The following NIPAL3 variants were observed in gnomAD, a reference collection of about 807,000 sequenced individuals.
NIPAL3 encodes NIPA-like protein 3.
Under a neutral mutation model 47.2 loss-of-function variants are expected in NIPAL3, and 41 were observed. That is an observed-to-expected ratio of 0.87 (90% CI 0.68 to 1.13). The LOEUF is 1.13. Ranked by LOEUF, NIPAL3 falls within the 50% of genes most tolerant of loss-of-function variation. The probability of loss-of-function intolerance (pLI) is 0.00; values close to 1 mark genes in which losing one functional copy is unlikely to be tolerated. For missense variants in NIPAL3, 449 were observed against 530.1 expected, an observed-to-expected ratio of 0.85 and a Z score of 1.50; for synonymous variants, 194 against 209.6, an observed-to-expected ratio of 0.93 and a Z score of 0.64.
At chr1:24,464,199 A>G (rs1646601619) in intron 11 of NIPAL3, 79 bp downstream of exon 11, 5 of 1,066,150 alleles carry the variant, frequency 4.7e-6, no homozygotes, top group African/African-American at 3.2e-5. Context: ...GAGACAACCA[A>G]CTGCTGTGCT....
Position 24,436,961 on chromosome 1 carries a change from A to G in NIPAL3, c.94-3211A>G, listed in dbSNP as rs1241211813. ...TTTTGTATGCAAGGAGCATTAAAAT[A>G]TTGAAACTGGCTGGGCGTGGTGGCT... On this transcript the variant is annotated intron_variant, in intron 2 of 11. Transcript: ENST00000374399. Among the ~76,000 whole-genome samples the G allele has an allele frequency of 3.3e-5, 5 of 151,122 alleles. No homozygotes were observed. In the South Asian group the frequency reaches 6.4e-4, roughly 19 times the overall value.
In NIPAL3 at chr1:24,468,929, C is replaced by T. The variant is rs1191142793; in HGVS notation, c.1022-57C>T. ...GTCTGTGGCGGGATAGAGGGAGATG[C>T]GGCCTCCTTGGCCCCCTTACCGCGT... On this transcript the variant is annotated intron_variant, in intron 11 of 11. Transcript: ENST00000374399. 2.5e-5 allele frequency: 37 copies of T among 1,510,104 alleles called. 1 individual carries two copies. Among genetic ancestry groups the T allele is most frequent in the Non-Finnish European group, 2.8e-5 (31 of 1,093,912 alleles). The allele number at this position is 1,510,104 out of a possible 1,614,324, so 93.5% of individuals were successfully genotyped here.
At position 24,472,887 on chromosome 1, in the gene NIPAL3, C is replaced by G. The variant is rs192683002; in HGVS notation, c.*3702C>G. On this transcript the variant is annotated 3_prime_UTR_variant, in exon 12 of 12. Transcript: ENST00000374399. ...GGATGCTTATATTTTGTTAACTTCA[C>G]GACTTATGGCATGTCTTATTTAAAA... 1 of 151,452 alleles carries G rather than the reference C, an allele frequency of 6.6e-6. No individual in the cohort carries two copies. The highest frequency in any genetic ancestry group is 2.4e-5 in the African/African-American group (1 of 41,226). The allele number at this position is 151,452 out of a possible 1,614,324, so 9.4% of individuals were successfully genotyped here. A position where few individuals can be genotyped will look rare whatever the true frequency, so the allele number is the denominator to read the frequency against.
chr1:24,442,310 T>C (rs975521332), intron 4 of NIPAL3, 84 bp downstream of exon 4: 2 of 1,471,008 alleles, frequency 1.4e-6, no homozygotes, highest in Non-Finnish European at 9.3e-7. Context: ...AAGGTGCCCA[T>C]TGAACAAACC....
intron 11 of NIPAL3, chr1:24,465,864 GT>G (rs1646675840): frequency 7.5e-7 from 1 of 1,325,564 alleles, no homozygotes; most frequent in Admixed American, 3.3e-5. Flanking sequence ...ACCTTTGGAA[GT>G]TTCACACACT....
In NIPAL3 at chr1:24,449,964, CAT is replaced by C. The variant is rs1448131697; in HGVS notation, c.540+339_540+340del. 2.0e-5 allele frequency among the ~76,000 whole-genome samples: 3 copies of C among 152,226 alleles called. No individual in the cohort carries two copies. The highest frequency in any genetic ancestry group is 3.4e-3 in the Middle Eastern group (1 of 294). On this transcript the variant is annotated intron_variant, in intron 6 of 11. Transcript: ENST00000374399. This position sits in a 1 kb window ranked among gnomAD's most constrained non-coding sequence, Gnocchi z 4.5. Reference sequence around the variant, plus strand: ...ATGCATACATGTGTTTCTCAAATGACATGTATGAGAATGTTCACAGCAACATT... The same window carrying C: ...ATGCATACATGTGTTTCTCAAATGACGTATGAGAATGTTCACAGCAACATT...
At position 24,454,401 on chromosome 1, in the gene NIPAL3, C is replaced by A; in HGVS notation, c.637+897C>A. 1 of 1,034,032 alleles carries A rather than the reference C, an allele frequency of 9.7e-7. No individual in the cohort carries two copies. Among genetic ancestry groups the A allele is most frequent in the Non-Finnish European group, 1.2e-6 (1 of 859,098 alleles). 64.1% of individuals were successfully genotyped at this position (1,034,032 alleles called of 1,614,324 possible). The stretch of plus-strand genomic sequence containing the variant: ...GGGGGGCCTATGAGAACATCCAAGT[C>A]ACGGAAGGGAGTGGGGGTTAAATGA... On this transcript the variant is annotated intron_variant, in intron 7 of 11. Coordinates refer to ENST00000374399, the MANE Select transcript of NIPAL3 (RefSeq NM_020448.5). The surrounding 1 kb of genome is among the most constrained non-coding windows in gnomAD (Gnocchi z 4.1).
Position 24,458,977 on chromosome 1 carries a change from G to T in NIPAL3, c.862+1G>T. 6.2e-7 allele frequency: 1 copy of T among 1,613,302 alleles called. No individual in the cohort carries two copies. Among genetic ancestry groups the T allele is most frequent in the Non-Finnish European group, 8.5e-7 (1 of 1,179,316 alleles). ...TCCACAACCATTGCTATCACAGCAG[G>T]TAAGGGTGACCCATTGCTAGATTTC... On this transcript the variant is annotated splice_donor_variant, in intron 9 of 11. Transcript: ENST00000374399. LOFTEE classifies it high-confidence loss of function.
At chr1:24,421,305 T>C (rs182994084) in intron 2 of NIPAL3, among the ~76,000 whole-genome samples, 1 of 151,926 alleles carries the variant, frequency 6.6e-6, no homozygotes, top group Admixed American at 6.5e-5. Context: ...TGAGCCAAGA[T>C]TGCACCACTG....
In NIPAL3 at chr1:24,440,214, G is replaced by T. The variant is rs776277982; in HGVS notation, c.136G>T (p.Val46Leu). 8 of 1,597,546 alleles carry T rather than the reference G, an allele frequency of 5.0e-6. No homozygotes were observed. The highest frequency in any genetic ancestry group is 8.5e-7 in the Non-Finnish European group (1 of 1,172,362). ...CCTCTTGGCGATCTTCGGGCACCTC[G>T]TGGTCAGCATTGCACTTAACCTCCA... The part of the protein sequence containing the change: ...GALLAIFGHL[V>L]VSIALNLQKY... Residue 46 changes from valine to leucine, a missense_variant, in exon 3 of 12, where the codon GTG becomes TTG. By Grantham distance (32) the Val-to-Leu change is conservative. Coordinates refer to ENST00000374399, the MANE Select transcript of NIPAL3 (RefSeq NM_020448.5).
intron 2 of NIPAL3, among the ~76,000 whole-genome samples, chr1:24,423,765 A>G (rs1339560465): frequency 6.6e-6 from 1 of 152,218 alleles, no homozygotes; most frequent in African/African-American, 2.4e-5. Flanking sequence ...TGGGAAAGGC[A>G]TGGCAAGATG....
rs1412286431 is a variant in NIPAL3 at position 24,416,209 on chromosome 1, G to A, written c.-258+305G>A. The stretch of plus-strand genomic sequence containing the variant: ...TGCCGAGCGGCTCGGGCTTCCTGGC[G>A]GCAGCAGATGGTGGAGTTAGCAGGT... On this transcript the variant is annotated intron_variant, in intron 1 of 11. Coordinates refer to ENST00000374399, the MANE Select transcript of NIPAL3 (RefSeq NM_020448.5). This position sits in a 1 kb window ranked among gnomAD's most constrained non-coding sequence, Gnocchi z 4.8. 3.0e-6 allele frequency: 3 copies of A among 985,502 alleles called. No homozygotes were observed. The highest frequency in any genetic ancestry group is 1.7e-5 in the African/African-American group (1 of 57,216). The allele number at this position is 985,502 out of a possible 1,614,324, so 61.0% of individuals were successfully genotyped here.
At chr1:24,465,917 CT>C in intron 11 of NIPAL3, 1 of 1,461,966 alleles carries the variant, frequency 6.8e-7, no homozygotes, top group East Asian at 2.6e-5. Context: ...AATAAAACTG[CT>C]GAACAGTCTC....
At position 24,472,402 on chromosome 1, in the gene NIPAL3, A is replaced by AG. The variant is rs1466624506; in HGVS notation, c.*3221dup. The AG allele has an allele frequency of 6.6e-6, 1 of 152,204 alleles. No homozygotes were observed. The highest frequency in any genetic ancestry group is 1.9e-4 in the East Asian group (1 of 5,196). 9.4% of individuals were successfully genotyped at this position (152,204 alleles called of 1,614,324 possible). ...GCAGCACTGGCTGTTAAGATGGGGA[A>AG]GGGGTACATCAGGATTCCACTCATA... is the stretch of plus-strand genomic sequence containing the variant. On this transcript the variant is annotated 3_prime_UTR_variant, in exon 12 of 12. Coordinates refer to ENST00000374399, the MANE Select transcript of NIPAL3 (RefSeq NM_020448.5).
intron 2 of NIPAL3, among the ~76,000 whole-genome samples, chr1:24,422,583 C>G (rs1001678563): frequency 6.6e-6 from 1 of 152,118 alleles, no homozygotes; most frequent in Non-Finnish European, 1.5e-5. Flanking sequence ...GGCTAGAAAC[C>G]CAGAACGTGC....
chr1:24,460,333 T>C, intron 9 of NIPAL3, 148 bp from the exon 10 acceptor site: 2 of 649,290 alleles, frequency 3.1e-6, no homozygotes, highest in Middle Eastern at 2.4e-4. Flanking sequence ...TAAATGGCTT[T>C]TATTCCTTTC....
At chr1:24,465,527 C>G (rs1002081399) in intron 11 of NIPAL3, 3 of 152,314 alleles carry the variant, frequency 2.0e-5, no homozygotes, top group African/African-American at 4.8e-5. Context: ...GGGTGTGGCT[C>G]TCAGCTTTTT....
At chr1:24,435,911 A>C (rs1181421003) in intron 2 of NIPAL3, among the ~76,000 whole-genome samples, 2 of 152,204 alleles carry the variant, frequency 1.3e-5, no homozygotes, top group African/African-American at 4.8e-5. Context: ...GAAAGCTGGG[A>C]AGTCCAAGAT....
At chr1:24,460,881 T>C (rs910703975) in intron 10 of NIPAL3, among the ~76,000 whole-genome samples, 5 of 152,156 alleles carry the variant, frequency 3.3e-5, no homozygotes, top group Non-Finnish European at 7.3e-5. Flanking sequence ...GTATTCCACA[T>C]TGGCAAGAAG....
Sources: gnomAD v4.1 joint callset for allele counts (sites outside exome capture counted in the v4.1 genomes callset) on GRCh38, gnomAD v4.1.1 for gene constraint, Gnocchi (gnomAD v3.1) non-coding constraint, MANE v1.5 for transcripts, NCBI Gene and HGNC (gene_info 2026-07-23, HGNC 2026-07-21) for gene names.